Variants in FAM184A observed in about 807,000 individuals in gnomAD.
FAM184A encodes the protein family with sequence similarity 184 member A, also known as protein FAM184A.
Under a neutral mutation model 143.8 loss-of-function variants are expected in FAM184A, and 99 were observed. The observed-to-expected ratio is 0.69, with a 90% CI of 0.58 to 0.81. The LOEUF (loss-of-function observed/expected upper bound fraction) is 0.81. Among genes scored for constraint, FAM184A ranks in the 40% least tolerant of loss-of-function variants. The pLI is 0.00. For missense variants in FAM184A, 1,217 were observed against 1,310.5 expected (o/e 0.93, Z 1.10); for synonymous variants, 427 against 446.4 (o/e 0.96, Z 0.55).
Position 118,980,121 on chromosome 6 carries a change from T to C in FAM184A, c.2301+17A>G. ...GGCAGTTGGGTTACATTTGAACGTA[T>C]GTCACATAAAACTTACTCTTTGCTC... On this transcript the variant is annotated intron_variant, in intron 10 of 17. Transcript: ENST00000338891. 6.2e-7 allele frequency: 1 copy of C among 1,603,888 alleles called. No homozygotes were observed. Among genetic ancestry groups the C allele is most frequent in the Non-Finnish European group, 8.5e-7 (1 of 1,171,016 alleles).
At chr6:119,143,997 G>A (rs1369398012) in intron 1 of FAM184A, among the ~76,000 whole-genome samples, 2 of 152,082 alleles carry the variant, frequency 1.3e-5, no homozygotes, top group Non-Finnish European at 2.9e-5. Flanking sequence ...TATTAGCTTG[G>A]CCTAGATGTG....
At chr6:119,102,713 C>T (rs963716239) in intron 1 of FAM184A, among the ~76,000 whole-genome samples, 1 of 132,044 alleles carries the variant, frequency 7.6e-6, no homozygotes, top group Non-Finnish European at 1.5e-5. Context: ...TCGTTTGAAT[C>T]CAGGAGGAGG....
At chr6:119,082,125 C>A (rs1476652451), upstream of FAM184A, among the ~76,000 whole-genome samples, 1 of 152,148 alleles carries the variant, frequency 6.6e-6, no homozygotes, top group Non-Finnish European at 1.5e-5. Context: ...GGGGGTGTAG[C>A]CCTAGCCAAG....
At chr6:119,047,216 A>ATTT (rs1471281362) in intron 1 of FAM184A, among the ~76,000 whole-genome samples, 1 of 152,374 alleles carries the variant, frequency 6.6e-6, no homozygotes, top group Non-Finnish European at 1.5e-5. Context: ...TTATATCTAA[A>ATTT]AGACAGGCAG....
intron 9 of FAM184A, among the ~76,000 whole-genome samples, chr6:118,991,504 A>C (rs1407459723): frequency 6.6e-6 from 1 of 152,182 alleles, no homozygotes; most frequent in East Asian, 1.9e-4. Flanking sequence ...ACTGAGGTAA[A>C]TGCAAATAGG....
chr6:119,077,646 C>T (rs1787921069), intron 1 of FAM184A, among the ~76,000 whole-genome samples: 1 of 152,184 alleles, frequency 6.6e-6, no homozygotes, highest in African/African-American at 2.4e-5. Flanking sequence ...TCATTAAATG[C>T]CCCAAATTGG....
intron 1 of FAM184A, among the ~76,000 whole-genome samples, chr6:119,098,759 G>T (rs1053046003): frequency 1.8e-4 from 27 of 152,174 alleles, no homozygotes; most frequent in African/African-American, 6.5e-4. Context: ...CAATTCTTAT[G>T]TGAGGTCTAC....
intron 1 of FAM184A, among the ~76,000 whole-genome samples, chr6:119,127,019 T>C (rs1375820160): frequency 6.6e-6 from 1 of 152,190 alleles, no homozygotes; most frequent in Non-Finnish European, 1.5e-5. Flanking sequence ...TCCTTTTCTC[T>C]GCCAGCTGGG....
rs558594899 is a variant in FAM184A at position 119,052,795 on chromosome 6, T to C, written c.159+25346A>G. On this transcript the variant is annotated intron_variant, in intron 1 of 17. Transcript: ENST00000338891. Reference sequence around the variant, plus strand: ...ACAAGCTGTATAGGTAGAGGCTTTGTGCAAAACACATAAGGAATTTGAATT... The same window carrying C: ...ACAAGCTGTATAGGTAGAGGCTTTGCGCAAAACACATAAGGAATTTGAATT... Among the ~76,000 whole-genome samples the C allele has an allele frequency of 3.3e-5, 5 of 152,334 alleles. No individual in the cohort carries two copies. The South Asian group carries it at 1.0e-3, about 32-fold the overall frequency.
intron 1 of FAM184A, among the ~76,000 whole-genome samples, chr6:119,127,503 A>G (rs1789403236): frequency 6.6e-6 from 1 of 152,218 alleles, no homozygotes. Context: ...GGTAACTGTC[A>G]ATGCTGGTAA....
At chr6:119,131,580 G>T (rs1789536338) in intron 1 of FAM184A, among the ~76,000 whole-genome samples, 1 of 152,050 alleles carries the variant, frequency 6.6e-6, no homozygotes, top group Non-Finnish European at 1.5e-5. Flanking sequence ...CAACCTCCTG[G>T]GCTCAAGCGA....
chr6:119,102,295 A>G (rs904460957), intron 1 of FAM184A, among the ~76,000 whole-genome samples: 1 of 152,168 alleles, frequency 6.6e-6, no homozygotes, highest in African/African-American at 2.4e-5. Context: ...GCCAGCAGTT[A>G]GTGGAATTCT....
At chr6:119,011,173 C>T in intron 6 of FAM184A, 136 bp downstream of exon 6, 1 of 676,308 alleles carries the variant, frequency 1.5e-6, no homozygotes, top group Non-Finnish European at 2.3e-6. Context: ...AAATTCAACA[C>T]CAATTAAAGT....
At chr6:119,093,002 T>C (rs1003343535) in intron 1 of FAM184A, among the ~76,000 whole-genome samples, 1 of 152,200 alleles carries the variant, frequency 6.6e-6, no homozygotes, top group Non-Finnish European at 1.5e-5. Context: ...ATTACATGAA[T>C]TATGTCCATC....
At chr6:119,114,992 G>A (rs1789020730) in intron 1 of FAM184A, among the ~76,000 whole-genome samples, 1 of 152,184 alleles carries the variant, frequency 6.6e-6, no homozygotes, top group Admixed American at 6.5e-5. Context: ...GTAGCTGGGA[G>A]CATTTTTTCA....
At chr6:119,057,912 C>T (rs1430478390) in intron 1 of FAM184A, 3 of 138,560 alleles carry the variant, frequency 2.2e-5, no homozygotes, top group African/African-American at 8.1e-5. Context: ...TATCAGAACA[C>T]ATTAACATTA....
chr6:119,106,107 CTG>C (rs1788770166), intron 1 of FAM184A, among the ~76,000 whole-genome samples: 1 of 152,128 alleles, frequency 6.6e-6, no homozygotes, highest in African/African-American at 2.4e-5. Context: ...AAAAACCAAA[CTG>C]ATGCCGGGCG....
chr6:119,124,042 G>A (rs960380827), intron 1 of FAM184A, among the ~76,000 whole-genome samples: 1 of 152,042 alleles, frequency 6.6e-6, no homozygotes, highest in Non-Finnish European at 1.5e-5. Flanking sequence ...ACTCTATGTT[G>A]CTGGTTATAA....
At chr6:119,023,130 TA>T in intron 2 of FAM184A, 50 bp from the exon 3 acceptor site, 1 of 1,583,098 alleles carries the variant, frequency 6.3e-7, no homozygotes, top group Non-Finnish European at 8.6e-7. Context: ...AATACTAAGC[TA>T]AATAATTCAT....
Sources: gnomAD v4.1 joint callset for allele counts (sites outside exome capture counted in the v4.1 genomes callset) on GRCh38, gnomAD v4.1.1 for gene constraint, MANE v1.5 for transcripts, NCBI Gene and HGNC (gene_info 2026-07-23, HGNC 2026-07-21) for gene names.